Variants in KALRN observed in about 807,000 individuals in gnomAD.
KALRN encodes kalirin RhoGEF kinase, also known as kalirin.
In KALRN, 70 loss-of-function variants were observed where a neutral mutation model predicts 353.7. That is an observed-to-expected ratio of 0.20 (90% CI 0.16 to 0.24). The LOEUF (loss-of-function observed/expected upper bound fraction) is 0.24, where lower values mean the gene tolerates loss of function less well. KALRN is among the 10% of genes least tolerant of loss of function. The pLI is 1.00. For synonymous variants in KALRN, 1,391 were observed against 1,434.8 expected (o/e 0.97, Z 0.69); for missense variants, 2,791 against 3,756.7 (o/e 0.74, Z 6.72).
intron 33 of KALRN, among the ~76,000 whole-genome samples, chr3:124,508,749 C>T (rs941155752): frequency 1.3e-5 from 2 of 152,014 alleles, no homozygotes; most frequent in African/African-American, 2.4e-5. Flanking sequence ...TTCAAAGTGC[C>T]GATACCAAAT....
At chr3:124,495,957 GTA>G (rs201949824) in intron 32 of KALRN, among the ~76,000 whole-genome samples, 7,166 of 44,080 alleles carry the variant, frequency 0.16, 926 homozygotes, top group Admixed American at 0.28. Flanking sequence ...GTGTGTATGT[GTA>G]TGTATGTATA....
chr3:124,677,509 A>G (rs996877861), intron 49 of KALRN: 6 of 446,094 alleles, frequency 1.3e-5, no homozygotes, highest in Non-Finnish European at 2.7e-5. Context: ...CCAATAGGGA[A>G]GCTCTAGGAC....
intron 1 of KALRN, among the ~76,000 whole-genome samples, chr3:124,043,334 T>TG (rs2040137365): frequency 6.6e-6 from 1 of 151,754 alleles, no homozygotes; most frequent in Non-Finnish European, 1.5e-5. Flanking sequence ...GAGGGGAGGT[T>TG]TTTTTTAGGA....
Position 124,632,051 on chromosome 3 carries a change from C to T in KALRN, c.5183-369C>T, listed in dbSNP as rs573738726. On this transcript the variant is annotated intron_variant, in intron 34 of 59. Transcript: ENST00000682506. ...TTTTCCAACCCCAGCACTCCCTAAT[C>T]CCTTCCCGTACTTTGTGTTTTGATG... 1.2e-4 allele frequency among the ~76,000 whole-genome samples: 18 copies of T among 152,364 alleles called. No homozygotes were observed. In the South Asian group the frequency reaches 3.5e-3, roughly 30 times the overall value.
intron 1 of KALRN, among the ~76,000 whole-genome samples, chr3:124,144,590 C>T (rs2067065496): frequency 6.6e-6 from 1 of 151,514 alleles, no homozygotes; most frequent in Non-Finnish European, 1.5e-5. Context: ...CCTCCTCTTC[C>T]TCGTCTTCCT....
At chr3:124,045,751 G>T (rs1313998375) in intron 1 of KALRN, among the ~76,000 whole-genome samples, 2 of 2,944 alleles carry the variant, frequency 6.8e-4, no homozygotes, top group African/African-American at 1.0e-3. Flanking sequence ...CAGCCTAATG[G>T]GGGGGGGGGG....
chr3:124,064,331 T>C lies in KALRN; in HGVS notation c.73+30518T>C, dbSNP rs114418235. ...TGAAAAAAAAAAGTAAATGAGATGA[T>C]GTGATTCCTCTGTGGCAGCCATTTA... On this transcript the variant is annotated intron_variant, in intron 1 of 59. Transcript: ENST00000682506. Among the ~76,000 whole-genome samples the C allele has an allele frequency of 3.5e-3, 527 of 152,018 alleles. 3 individuals are homozygous for C. Among genetic ancestry groups the C allele is most frequent in the Non-Finnish European group, 6.2e-3 (422 of 67,974 alleles).
intron 5 of KALRN, among the ~76,000 whole-genome samples, chr3:124,281,589 C>G (rs191164817): frequency 6.6e-6 from 1 of 152,232 alleles, no homozygotes; most frequent in Non-Finnish European, 1.5e-5. Context: ...AAACCCTCCC[C>G]CAGCTGAAGG....
intron 1 of KALRN, among the ~76,000 whole-genome samples, chr3:124,073,071 A>G (rs1280566082): frequency 6.6e-6 from 1 of 152,164 alleles, no homozygotes; most frequent in Admixed American, 6.5e-5. Flanking sequence ...ATCAGCCTAC[A>G]CTGATTATAG....
intron 9 of KALRN, among the ~76,000 whole-genome samples, chr3:124,335,953 C>T (rs1171548103): frequency 6.6e-6 from 1 of 152,122 alleles, no homozygotes; most frequent in Non-Finnish European, 1.5e-5. Flanking sequence ...GATATCTGTT[C>T]CCTTCACAGG....
chr3:124,220,524 G>A (rs777449678), intron 1 of KALRN, among the ~76,000 whole-genome samples: 1 of 152,064 alleles, frequency 6.6e-6, no homozygotes, highest in Non-Finnish European at 1.5e-5. Context: ...AGGAAAGGAG[G>A]GGATGAAAGA....
At chr3:124,669,420 G>A (rs1053901145) in intron 47 of KALRN, among the ~76,000 whole-genome samples, 2 of 152,204 alleles carry the variant, frequency 1.3e-5, no homozygotes, top group Middle Eastern at 3.2e-3. Context: ...ATGGAGGCTG[G>A]TGAAAGAATA....
At chr3:124,252,765 C>G (rs560683422) in intron 3 of KALRN, among the ~76,000 whole-genome samples, 9 of 152,342 alleles carry the variant, frequency 5.9e-5, no homozygotes, top group South Asian at 4.1e-4. Flanking sequence ...GACAGAAAGA[C>G]AGCTGGTGGA....
intron 34 of KALRN, 115 bp downstream of exon 34, chr3:124,563,204 TG>T (rs2072277081): frequency 8.6e-7 from 1 of 1,156,306 alleles, no homozygotes; most frequent in Non-Finnish European, 1.1e-6. Flanking sequence ...TTTTACCCTG[TG>T]GGGTTTCTTT....
At chr3:124,437,036 C>T (rs1346626570) in intron 17 of KALRN, among the ~76,000 whole-genome samples, 1 of 150,802 alleles carries the variant, frequency 6.6e-6, no homozygotes, top group East Asian at 2.0e-4. Flanking sequence ...GAGAAGTCAC[C>T]TCAAGTTTGG....
At chr3:124,128,834 A>C (rs887580548) in intron 1 of KALRN, among the ~76,000 whole-genome samples, 2 of 152,030 alleles carry the variant, frequency 1.3e-5, no homozygotes, top group African/African-American at 2.4e-5. Context: ...CTGGTCCTGA[A>C]GAGTTCTGTG....
chr3:124,272,092 C>G (rs1397014236), intron 5 of KALRN, among the ~76,000 whole-genome samples: 1 of 152,132 alleles, frequency 6.6e-6, no homozygotes. Context: ...TATACCCATA[C>G]CTGGGTAATA....
chr3:124,273,059 A>G (rs970667656), intron 5 of KALRN, among the ~76,000 whole-genome samples: 1 of 152,188 alleles, frequency 6.6e-6, no homozygotes, highest in African/African-American at 2.4e-5. Flanking sequence ...TATTTTTGTA[A>G]AAGAGGTGGG....
rs554820453 is a variant in KALRN at position 124,138,644 on chromosome 3, T to A, written c.74-89346T>A. ...CATATTCTCTCCCTCCACCTTTCCTTATGTATTCTCCTCCTCCTTTCTGTG... is the reference window on the plus strand; with the variant it reads ...CATATTCTCTCCCTCCACCTTTCCTAATGTATTCTCCTCCTCCTTTCTGTG... On this transcript the variant is annotated intron_variant, in intron 1 of 59. Transcript: ENST00000682506. Among the ~76,000 whole-genome samples the A allele has an allele frequency of 6.6e-5, 10 of 152,276 alleles. No individual in the cohort carries two copies. In the South Asian group the frequency reaches 1.9e-3, roughly 28 times the overall value.
Sources: gnomAD v4.1 joint callset for allele counts (sites outside exome capture counted in the v4.1 genomes callset) on GRCh38, gnomAD v4.1.1 for gene constraint, MANE v1.5 for transcripts, NCBI Gene and HGNC (gene_info 2026-07-23, HGNC 2026-07-21) for gene names.